The following IMMP2L variants were observed in gnomAD, a reference collection of about 807,000 sequenced individuals.
The protein encoded by IMMP2L is inner mitochondrial membrane peptidase subunit 2.
Under a neutral mutation model 19.3 loss-of-function variants are expected in IMMP2L, and 18 were observed. The ratio of observed to expected loss-of-function variants is 0.93; its 90% CI spans 0.64 to 1.38. IMMP2L has a LOEUF of 1.38. IMMP2L is among the 40% of genes most tolerant of loss of function. The pLI is 0.00. For missense variants in IMMP2L, 233 were observed against 218.2 expected (o/e 1.07, Z -0.43); for synonymous variants, 76 against 73.0 (o/e 1.04, Z -0.21).
At chr7:111,365,643 T>C (rs1314610422) in intron 3 of IMMP2L, among the ~76,000 whole-genome samples, 1 of 152,102 alleles carries the variant, frequency 6.6e-6, no homozygotes, top group African/African-American at 2.4e-5. Context: ...TAAACCACAA[T>C]TTAATCAACT....
In IMMP2L at chr7:110,846,866, A is replaced by G. The variant is rs1805720893; in HGVS notation, c.408+39727T>C. Among the ~76,000 whole-genome samples the G allele has an allele frequency of 1.3e-5, 2 of 152,150 alleles. 1 individual carries two copies. Among genetic ancestry groups the G allele is most frequent in the Admixed American group, 1.3e-4 (2 of 15,272 alleles). On this transcript the variant is annotated intron_variant, in intron 5 of 5. Coordinates refer to ENST00000405709, the MANE Select transcript of IMMP2L (RefSeq NM_032549.4). ...TTCAATTACCATCTTAAATAAACAA[A>G]TCTAATTAAAATCCCTCTGTTACCA...
intron 3 of IMMP2L, among the ~76,000 whole-genome samples, chr7:111,401,094 A>G (rs113965607): frequency 2.6e-5 from 4 of 152,252 alleles, no homozygotes; most frequent in African/African-American, 9.6e-5. Flanking sequence ...TCTATTTTTA[A>G]GAATTTGAGA....
intron 3 of IMMP2L, among the ~76,000 whole-genome samples, chr7:111,398,887 A>AT (rs929544846): frequency 4.0e-5 from 6 of 151,866 alleles, no homozygotes; most frequent in African/African-American, 1.2e-4. Context: ...AGCTGCAAAA[A>AT]AAAAAAAAAA....
intron 3 of IMMP2L, among the ~76,000 whole-genome samples, chr7:110,968,630 G>A (rs927978178): frequency 6.6e-6 from 1 of 152,094 alleles, no homozygotes; most frequent in Non-Finnish European, 1.5e-5. Flanking sequence ...CAATGTTGAC[G>A]CCAATGCACT....
intron 3 of IMMP2L, among the ~76,000 whole-genome samples, chr7:110,976,332 G>C (rs1369897114): frequency 6.6e-6 from 1 of 151,870 alleles, no homozygotes; most frequent in Non-Finnish European, 1.5e-5. Flanking sequence ...TCATAAAAGT[G>C]AAATAATACA....
intron 3 of IMMP2L, among the ~76,000 whole-genome samples, chr7:110,989,898 A>G (rs947619892): frequency 2.6e-5 from 4 of 152,036 alleles, no homozygotes; most frequent in Non-Finnish European, 2.9e-5. Context: ...TAATAATTTC[A>G]ATAAAGAAAA....
intron 3 of IMMP2L, among the ~76,000 whole-genome samples, chr7:111,005,707 G>A (rs1327451839): frequency 6.6e-6 from 1 of 152,138 alleles, no homozygotes; most frequent in African/African-American, 2.4e-5. Flanking sequence ...GTTACTGAAA[G>A]AATCTGATTC....
intron 4 of IMMP2L, among the ~76,000 whole-genome samples, chr7:110,904,889 T>C (rs1380616898): frequency 1.3e-5 from 2 of 152,216 alleles, no homozygotes; most frequent in Admixed American, 6.5e-5. Context: ...ATTGGATATC[T>C]ATCTCATTTG....
intron 3 of IMMP2L, among the ~76,000 whole-genome samples, chr7:111,410,304 C>T (rs904431345): frequency 1.3e-5 from 2 of 151,604 alleles, no homozygotes; most frequent in Non-Finnish European, 2.9e-5. Flanking sequence ...TTGAAAAGCA[C>T]AAAAATAGCC....
chr7:111,229,744 C>G (rs1813522202), intron 3 of IMMP2L, among the ~76,000 whole-genome samples: 1 of 152,000 alleles, frequency 6.6e-6, no homozygotes, highest in Non-Finnish European at 1.5e-5. Context: ...TTAGTACACA[C>G]CACACTTTTC....
At chr7:111,458,381 GAAA>G (rs111432225) in intron 3 of IMMP2L, among the ~76,000 whole-genome samples, 1 of 142,580 alleles carries the variant, frequency 7.0e-6, no homozygotes, top group Non-Finnish European at 1.5e-5. Flanking sequence ...ACCATCTCAA[GAAA>G]AAAAAAAACT....
At chr7:111,504,227 T>G (rs1162742208) in intron 2 of IMMP2L, among the ~76,000 whole-genome samples, 2 of 152,018 alleles carry the variant, frequency 1.3e-5, no homozygotes, top group Non-Finnish European at 2.9e-5. Context: ...CACAATTGCT[T>G]CAAAGAGAAT....
At position 111,549,878 on chromosome 7, in the gene IMMP2L, T is replaced by C. The variant is rs541406101; in HGVS notation, c.-3+11973A>G. 6.6e-5 allele frequency among the ~76,000 whole-genome samples: 10 copies of C among 151,566 alleles called. No homozygotes were observed. The South Asian group carries it at 1.5e-3, about 22-fold the overall frequency. ...ATCACTTGAACTTGGGAGGCAGAAGTTGCAGTGAGCCGAGATCACGTCATA... is the reference window on the plus strand; with the variant it reads ...ATCACTTGAACTTGGGAGGCAGAAGCTGCAGTGAGCCGAGATCACGTCATA... On this transcript the variant is annotated intron_variant, in intron 1 of 5. Coordinates refer to ENST00000405709, the MANE Select transcript of IMMP2L (RefSeq NM_032549.4).
At chr7:111,485,404 C>T (rs1354051637) in intron 3 of IMMP2L, among the ~76,000 whole-genome samples, 2 of 151,826 alleles carry the variant, frequency 1.3e-5, no homozygotes, top group African/African-American at 4.8e-5. Flanking sequence ...TCAAGACCAT[C>T]GTGGCTAACA....
At chr7:110,813,699 A>C (rs919318726) in intron 5 of IMMP2L, among the ~76,000 whole-genome samples, 4 of 151,948 alleles carry the variant, frequency 2.6e-5, no homozygotes, top group Non-Finnish European at 4.4e-5. Context: ...AAAGCTAAGA[A>C]GTATAATTAT....
chr7:111,003,456 C>T (rs202089922), intron 3 of IMMP2L, among the ~76,000 whole-genome samples: 15 of 151,886 alleles, frequency 9.9e-5, no homozygotes, highest in African/African-American at 2.7e-4. Context: ...AAGTACTACA[C>T]GAATAAAAAT....
At chr7:111,500,721 G>C (rs1384574433) in intron 2 of IMMP2L, among the ~76,000 whole-genome samples, 2 of 152,158 alleles carry the variant, frequency 1.3e-5, no homozygotes, top group African/African-American at 2.4e-5. Flanking sequence ...AGGGTCTGGA[G>C]TGGACATCTA....
intron 3 of IMMP2L, among the ~76,000 whole-genome samples, chr7:111,003,067 T>C (rs968884123): frequency 1.3e-5 from 2 of 152,116 alleles, no homozygotes; most frequent in Admixed American, 1.3e-4. Flanking sequence ...ATGAATACCA[T>C]TTGAGAGGAT....
At chr7:111,039,035 C>A (rs1407091725) in intron 3 of IMMP2L, among the ~76,000 whole-genome samples, 1 of 151,864 alleles carries the variant, frequency 6.6e-6, no homozygotes, top group Non-Finnish European at 1.5e-5. Context: ...GAACAGGGGT[C>A]ATTTCTTTTT....
Sources: allele counts gnomAD v4.1 joint callset (sites outside exome capture counted in the v4.1 genomes callset), GRCh38; gene constraint gnomAD v4.1.1; transcripts MANE v1.5; gene names NCBI Gene and HGNC (gene_info 2026-07-23, HGNC 2026-07-21).